Variants in RMST observed in about 807,000 individuals in gnomAD.
RMST encodes long intergenic non-protein coding RNA 54.
intron 11 of RMST, among the ~76,000 whole-genome samples, chr12:97,560,252 T>C (rs1390630626): frequency 6.6e-6 from 1 of 152,172 alleles, no homozygotes; most frequent in Non-Finnish European, 1.5e-5. Context: ...AAAAGGACTT[T>C]CCTTGTTCAT....
At chr12:97,515,247 G>A (rs1469021516) in intron 10 of RMST, among the ~76,000 whole-genome samples, 1 of 151,998 alleles carries the variant, frequency 6.6e-6, no homozygotes, top group East Asian at 1.9e-4. Flanking sequence ...AAATATTCAT[G>A]TGCTTTATTA....
chr12:97,486,418 C>T (rs966240271), intron 5 of RMST, among the ~76,000 whole-genome samples: 7 of 152,094 alleles, frequency 4.6e-5, no homozygotes, highest in Admixed American at 2.6e-4. Context: ...GGAAGACAGA[C>T]CTTTGCCATT....
At chr12:97,527,417 T>C (rs1295858773) in intron 10 of RMST, among the ~76,000 whole-genome samples, 1 of 152,190 alleles carries the variant, frequency 6.6e-6, no homozygotes, top group African/African-American at 2.4e-5. Flanking sequence ...CATGTGGTGC[T>C]TGCATGTCCT....
intron 5 of RMST, among the ~76,000 whole-genome samples, chr12:97,480,068 TTTTC>T (rs1040337698): frequency 1.3e-5 from 2 of 148,624 alleles, no homozygotes; most frequent in African/African-American, 5.0e-5. Flanking sequence ...CTAATTTTTC[TTTTC>T]TTTTCTTTTC....
intron 5 of RMST, chr12:97,491,699 A>G (rs768676631): frequency 7.9e-5 from 21 of 265,744 alleles, no homozygotes; most frequent in Non-Finnish European, 1.5e-4. Flanking sequence ...CGATACCCAT[A>G]TGCATCATCT....
intron 10 of RMST, among the ~76,000 whole-genome samples, chr12:97,511,453 A>G (rs915268111): frequency 1.3e-5 from 2 of 152,192 alleles, no homozygotes; most frequent in African/African-American, 2.4e-5. Context: ...TTATTAGAGC[A>G]AATACAAATT....
intron 11 of RMST, among the ~76,000 whole-genome samples, chr12:97,538,237 C>T (rs1882225969): frequency 6.6e-6 from 1 of 151,398 alleles, no homozygotes; most frequent in African/African-American, 2.4e-5. Context: ...TCATTGCCTT[C>T]AGGTTGTTTT....
chr12:97,562,577 A>G (rs868656462), intron 13 of RMST, among the ~76,000 whole-genome samples: 4 of 152,118 alleles, frequency 2.6e-5, no homozygotes, highest in Non-Finnish European at 4.4e-5. Flanking sequence ...AAAACATATC[A>G]TTTAACCCTC....
intron 13 of RMST, among the ~76,000 whole-genome samples, chr12:97,562,750 G>A (rs973096575): frequency 2.2e-4 from 34 of 152,166 alleles, no homozygotes; most frequent in African/African-American, 8.0e-4. Context: ...TTGAATTTAT[G>A]TATGCACTTC....
At chr12:97,546,196 T>C (rs1206151312) in intron 11 of RMST, among the ~76,000 whole-genome samples, 2 of 152,158 alleles carry the variant, frequency 1.3e-5, no homozygotes, top group Non-Finnish European at 2.9e-5. Context: ...ATTGCTATTT[T>C]TGAGGACTTT....
intron 11 of RMST, chr12:97,541,252 A>T (rs1467542455): frequency 6.6e-5 from 10 of 151,706 alleles, no homozygotes. Flanking sequence ...TATAAAGTAC[A>T]CGGAGATGTT....
chr12:97,512,735 C>T (rs1052236453), intron 10 of RMST, among the ~76,000 whole-genome samples: 5 of 152,232 alleles, frequency 3.3e-5, no homozygotes, highest in Non-Finnish European at 5.9e-5. Flanking sequence ...CAGTGGATCC[C>T]GCACCGGGGC....
At chr12:97,553,885 A>G (rs554795602) in intron 11 of RMST, among the ~76,000 whole-genome samples, 8 of 151,668 alleles carry the variant, frequency 5.3e-5, no homozygotes, top group Admixed American at 3.9e-4. Context: ...AAATGAGATG[A>G]TATATTTGCA....
intron 4 of RMST, chr12:97,465,022 T>G (rs1873011613): frequency 6.6e-6 from 1 of 152,118 alleles, no homozygotes; most frequent in Non-Finnish European, 1.5e-5. Context: ...ACATTAGCAT[T>G]TCATTTGTGA....
chr12:97,495,142 A>G (rs1211475765), intron 9 of RMST, among the ~76,000 whole-genome samples: 1 of 149,762 alleles, frequency 6.7e-6, no homozygotes, highest in African/African-American at 2.5e-5. Flanking sequence ...GCATATTTAA[A>G]TTAAAATATA....
chr12:97,469,522 A>G (rs1189312607), intron 5 of RMST, among the ~76,000 whole-genome samples: 4 of 151,880 alleles, frequency 2.6e-5, no homozygotes, highest in Admixed American at 1.3e-4. Context: ...TCATTTTCTA[A>G]TTTAATTTTC....
intron 11 of RMST, among the ~76,000 whole-genome samples, chr12:97,557,368 G>A (rs963752318): frequency 2.6e-5 from 4 of 152,096 alleles, no homozygotes; most frequent in African/African-American, 9.7e-5. Flanking sequence ...GCATGTATGT[G>A]TGCAGCCATG....
chr12:97,519,870 G>C (rs1158926008), intron 10 of RMST, among the ~76,000 whole-genome samples: 4 of 152,102 alleles, frequency 2.6e-5, no homozygotes, highest in Non-Finnish European at 1.5e-5. Flanking sequence ...TACTAAAAAT[G>C]ATAATTTTCT....
exon 9 of RMST, chr12:97,494,863 G>A (rs1877223046): frequency 6.6e-6 from 1 of 152,040 alleles, no homozygotes; most frequent in Non-Finnish European, 1.5e-5. Flanking sequence ...GCAACATTTT[G>A]GATGTCACAT....
Sources: gnomAD v4.1 joint callset for allele counts (sites outside exome capture counted in the v4.1 genomes callset) on GRCh38, gnomAD v4.1.1 for gene constraint, MANE v1.5 for transcripts, NCBI Gene and HGNC (gene_info 2026-07-23, HGNC 2026-07-21) for gene names.